The following FNDC3A variants were observed in gnomAD, a reference collection of about 807,000 sequenced individuals.
FNDC3A encodes fibronectin type III domain containing 3A.
A neutral mutation model predicts 148.9 loss-of-function variants in FNDC3A; 32 were observed. That is an observed-to-expected ratio of 0.21 (90% CI 0.16 to 0.29). FNDC3A has a LOEUF of 0.29. Ranked by LOEUF, FNDC3A falls within the 10% of genes least tolerant of loss-of-function variation. The pLI, the probability that FNDC3A is intolerant of heterozygous loss-of-function variation, is 1.00. For synonymous variants in FNDC3A, 472 were observed against 473.6 expected, an observed-to-expected ratio of 1.00 and a Z score of 0.04; for missense variants, 1,191 against 1,452.8, an observed-to-expected ratio of 0.82 and a Z score of 2.93.
rs144297298 is a variant in FNDC3A, at chr13:49,066,180, A to C, written c.100-9109A>C. ...AAAATACCTTTGAAAATTCTTAAAA[A>C]ACTGTATTCCTGTATTCGTTTTGGT... On this transcript the variant is annotated intron_variant, in intron 2 of 25. Coordinates refer to ENST00000492622, the MANE Select transcript of FNDC3A (RefSeq NM_001079673.2). Among the ~76,000 whole-genome samples, 316 of 152,302 alleles carry C rather than the reference A, an allele frequency of 2.1e-3. 1 individual carries two copies. Among genetic ancestry groups the C allele is most frequent in the African/African-American group, 6.7e-3 (279 of 41,568 alleles).
intron 5 of FNDC3A, among the ~76,000 whole-genome samples, chr13:49,133,344 G>A (rs1047870529): frequency 4.6e-5 from 7 of 152,072 alleles, no homozygotes; most frequent in Non-Finnish European, 1.0e-4. Context: ...GAAAAAGCTA[G>A]TATTACAATT....
chr13:48,979,866 ATTG>A (rs2137542475), intron 1 of FNDC3A, among the ~76,000 whole-genome samples: 1 of 152,244 alleles, frequency 6.6e-6, no homozygotes, highest in African/African-American at 2.4e-5. Flanking sequence ...AAATTTTTAC[ATTG>A]TTGTCTCAAG....
At chr13:49,185,243 C>A (rs1885506949) in intron 14 of FNDC3A, among the ~76,000 whole-genome samples, 1 of 152,112 alleles carries the variant, frequency 6.6e-6, no homozygotes, top group African/African-American at 2.4e-5. Context: ...TGCTTTATAA[C>A]AAATTATCCC....
At chr13:49,138,361 G>T (rs1882501613) in intron 6 of FNDC3A, among the ~76,000 whole-genome samples, 1 of 151,964 alleles carries the variant, frequency 6.6e-6, no homozygotes. Context: ...CATAACTAAG[G>T]CATGTCATGA....
At chr13:49,042,184 T>G (rs1874988428) in intron 2 of FNDC3A, among the ~76,000 whole-genome samples, 1 of 152,172 alleles carries the variant, frequency 6.6e-6, no homozygotes, top group African/African-American at 2.4e-5. Flanking sequence ...AGAAAGATAT[T>G]TATAAAATCC....
intron 2 of FNDC3A, among the ~76,000 whole-genome samples, chr13:49,053,098 A>G (rs2137717459): frequency 6.6e-6 from 1 of 152,286 alleles, no homozygotes; most frequent in South Asian, 2.1e-4. Context: ...CACCGAGTCT[A>G]TTTCTAGGCA....
At chr13:49,085,226 AAGCC>A (rs1273506512) in intron 3 of FNDC3A, among the ~76,000 whole-genome samples, 2 of 152,220 alleles carry the variant, frequency 1.3e-5, no homozygotes, top group East Asian at 3.8e-4. Flanking sequence ...TCCCTAGACT[AAGCC>A]AGTATTTTGT....
chr13:49,187,398 G>A (rs1885635687), intron 16 of FNDC3A: 1 of 890,346 alleles, frequency 1.1e-6, no homozygotes, highest in East Asian at 2.5e-5. Context: ...TATGCCATAT[G>A]AGTTCAAGTT....
intron 17 of FNDC3A, among the ~76,000 whole-genome samples, chr13:49,188,976 C>T (rs980622800): frequency 2.0e-5 from 3 of 152,154 alleles, no homozygotes; most frequent in African/African-American, 7.2e-5. Flanking sequence ...TTTACTGCTC[C>T]ATAAATTATG....
intron 1 of FNDC3A, among the ~76,000 whole-genome samples, chr13:49,001,198 T>C (rs1215777240): frequency 6.6e-6 from 1 of 152,236 alleles, no homozygotes; most frequent in East Asian, 1.9e-4. Context: ...TTCTTACGCC[T>C]GTATTTACTG....
At chr13:49,010,285 A>G (rs1339148212) in intron 2 of FNDC3A, among the ~76,000 whole-genome samples, 1 of 152,158 alleles carries the variant, frequency 6.6e-6, no homozygotes, top group Non-Finnish European at 1.5e-5. Context: ...GGCTTAGGGT[A>G]GGGTAAATAT....
intron 3 of FNDC3A, among the ~76,000 whole-genome samples, chr13:49,104,544 A>G (rs921201013): frequency 1.3e-4 from 19 of 151,980 alleles, no homozygotes; most frequent in Non-Finnish European, 1.9e-4. Flanking sequence ...AAAAGAAAAG[A>G]AAAAAAAGAA....
chr13:49,122,651 C>T (rs1380394174), intron 4 of FNDC3A, among the ~76,000 whole-genome samples: 2 of 152,188 alleles, frequency 1.3e-5, no homozygotes, highest in African/African-American at 4.8e-5. Flanking sequence ...TCAGCAAAGT[C>T]TCAGGATACA....
At chr13:49,151,298 T>C (rs1052786770) in intron 8 of FNDC3A, among the ~76,000 whole-genome samples, 5 of 152,230 alleles carry the variant, frequency 3.3e-5, no homozygotes, top group Non-Finnish European at 5.9e-5. Context: ...AGAATTGTTA[T>C]ATCCTCTTGC....
At chr13:49,056,561 TC>T (rs1876260474) in intron 2 of FNDC3A, among the ~76,000 whole-genome samples, 2 of 152,190 alleles carry the variant, frequency 1.3e-5, no homozygotes, top group Admixed American at 1.3e-4. Context: ...TCTGTTCTTC[TC>T]CTGCAACTCC....
chr13:49,198,683 G>A, intron 23 of FNDC3A, 109 bp downstream of exon 23: 1 of 873,656 alleles, frequency 1.1e-6, no homozygotes. Flanking sequence ...TGTAATCTCA[G>A]CACTTTGGGA....
chr13:49,033,516 C>T (rs1382897013), intron 2 of FNDC3A, among the ~76,000 whole-genome samples: 4 of 151,898 alleles, frequency 2.6e-5, no homozygotes, highest in Non-Finnish European at 5.9e-5. Context: ...ATATGAGGTC[C>T]AACTTGCCAG....
chr13:49,038,938 A>G (rs1426354001), intron 2 of FNDC3A, among the ~76,000 whole-genome samples: 1 of 152,160 alleles, frequency 6.6e-6, no homozygotes, highest in East Asian at 1.9e-4. Flanking sequence ...TAGGGGAAAA[A>G]TACAGATTCT....
intron 3 of FNDC3A, among the ~76,000 whole-genome samples, chr13:49,093,370 G>T (rs1229109893): frequency 3.9e-5 from 6 of 152,098 alleles, no homozygotes; most frequent in Non-Finnish European, 5.9e-5. Context: ...AATGAAAAAA[G>T]GGAGAGAAAG....
Sources: allele counts gnomAD v4.1 joint callset (sites outside exome capture counted in the v4.1 genomes callset), GRCh38; gene constraint gnomAD v4.1.1; transcripts MANE v1.5; gene names NCBI Gene and HGNC (gene_info 2026-07-23, HGNC 2026-07-21).